Variants in EPS8 observed in about 807,000 individuals in gnomAD.
The protein encoded by EPS8 is EGFR pathway substrate 8, signaling adaptor.
A neutral mutation model predicts 103.8 loss-of-function variants in EPS8; 42 were observed. The ratio of observed to expected loss-of-function variants is 0.40; its 90% CI spans 0.32 to 0.52. The LOEUF (loss-of-function observed/expected upper bound fraction) is 0.52, where lower values mean the gene tolerates loss of function less well. Ranked by LOEUF, EPS8 falls within the 20% of genes least tolerant of loss-of-function variation. The probability of loss-of-function intolerance (pLI) is 0.40; values close to 1 mark genes in which losing one functional copy is unlikely to be tolerated. For synonymous variants in EPS8, 344 were observed against 344.6 expected, an observed-to-expected ratio of 1.00 and a Z score of 0.02; for missense variants, 969 against 1,005.1, an observed-to-expected ratio of 0.96 and a Z score of 0.49.
In EPS8 at chr12:15,658,500, A is replaced by G. The variant is rs1374162559; in HGVS notation, c.1023T>C (p.Leu341=). ...TATATACATAAATTTCACTTACCAGAAGGTTAAATCCGTGTTTAAACTTTT... is the reference window on the plus strand; with the variant it reads ...TATATACATAAATTTCACTTACCAGGAGGTTAAATCCGTGTTTAAACTTTT... ...CFQKFKHGFN[L]LAKLKSHIQN... is the part of the protein sequence containing the mutation. The change falls in exon 11 of 21, where the codon CTT becomes CTC. Residue 341 remains leucine (L), a synonymous_variant. Transcript: ENST00000281172. 1.3e-6 allele frequency: 2 copies of G among 1,595,350 alleles called. No individual in the cohort carries two copies. The highest frequency in any genetic ancestry group is 1.3e-5 in the African/African-American group (1 of 74,516).
chr12:15,623,320 A>C (rs772871948), intron 19 of EPS8, 33 bp from the exon 20 acceptor site: 1 of 1,560,758 alleles, frequency 6.4e-7, no homozygotes, highest in East Asian at 2.2e-5. Flanking sequence ...GAAACTGAGC[A>C]TTAAAAATAT....
intron 1 of EPS8, among the ~76,000 whole-genome samples, chr12:15,755,232 G>C (rs1324309291): frequency 6.6e-6 from 1 of 152,186 alleles, no homozygotes; most frequent in Non-Finnish European, 1.5e-5. Context: ...ACACTTGAAA[G>C]TATTCATCTT....
At chr12:15,677,176 A>C (rs4628729) in intron 3 of EPS8, among the ~76,000 whole-genome samples, 9,670 of 152,280 alleles carry the variant, frequency 0.064, 1,020 homozygotes, top group African/African-American at 0.21. Flanking sequence ...GTGACTCTCC[A>C]GTACCACTCC....
intron 1 of EPS8, among the ~76,000 whole-genome samples, chr12:15,768,834 G>C (rs1947124763): frequency 6.6e-6 from 1 of 152,094 alleles, no homozygotes; most frequent in Non-Finnish European, 1.5e-5. Flanking sequence ...GACAAAAGCA[G>C]AGGTCTGGCA....
chr12:15,745,890 G>A lies in EPS8; in HGVS notation c.-22+43271C>T, dbSNP rs150993387. On this transcript the variant is annotated intron_variant, in intron 1 of 20. Coordinates refer to ENST00000281172, the MANE Select transcript of EPS8 (RefSeq NM_004447.6). The surrounding 1 kb of genome is among the most constrained non-coding windows in gnomAD (Gnocchi z 4.6). ...TGAAACTAGTTAACATTATTAAACT[G>A]AATTACTATCATGACAATAAATGCG... 9.2e-5 allele frequency among the ~76,000 whole-genome samples: 14 copies of A among 152,292 alleles called. No individual in the cohort carries two copies. Among genetic ancestry groups the A allele is most frequent in the Admixed American group, 4.6e-4 (7 of 15,286 alleles).
intron 20 of EPS8, among the ~76,000 whole-genome samples, chr12:15,622,070 C>G (rs1944869397): frequency 6.6e-6 from 1 of 152,104 alleles, no homozygotes; most frequent in African/African-American, 2.4e-5. Context: ...AGCAAGAGAC[C>G]ATCCTGAAGT....
chr12:15,634,321 A>G (rs1945099680), intron 17 of EPS8, among the ~76,000 whole-genome samples: 1 of 152,222 alleles, frequency 6.6e-6, no homozygotes, highest in Non-Finnish European at 1.5e-5. Flanking sequence ...TGTTAAAAGC[A>G]AAATCTATCT....
chr12:15,649,630 A>C (rs1042888720), intron 14 of EPS8, among the ~76,000 whole-genome samples: 5 of 152,130 alleles, frequency 3.3e-5, no homozygotes, highest in African/African-American at 1.2e-4. Context: ...GGAAAAAAAA[A>C]TTGCATTAGG....
rs1028455968 is a variant in EPS8, at chr12:15,733,302, A to G, written c.-21-50330T>C. On this transcript the variant is annotated intron_variant, in intron 1 of 20. Coordinates refer to ENST00000281172, the MANE Select transcript of EPS8 (RefSeq NM_004447.6). The surrounding 1 kb of genome is among the most constrained non-coding windows in gnomAD (Gnocchi z 4.8). ...GGTGAGAGGGGACAGTGTGTGAAGG[A>G]GGAACTGTCAAACACTTAATAAAAC... Among the ~76,000 whole-genome samples, 1 of 152,142 alleles carries G rather than the reference A, an allele frequency of 6.6e-6. No homozygotes were observed. The highest frequency in any genetic ancestry group is 1.9e-4 in the East Asian group (1 of 5,182).
At position 15,725,359 on chromosome 12, in the gene EPS8, C is replaced by T. The variant is rs1276589832; in HGVS notation, c.-21-42387G>A. ...CAGTGGCTCACACCTGTAATCCCAGCTACTTGGGAGGCCGAGGCAGGAGGA... is the reference window on the plus strand; with the variant it reads ...CAGTGGCTCACACCTGTAATCCCAGTTACTTGGGAGGCCGAGGCAGGAGGA... On this transcript the variant is annotated intron_variant, in intron 1 of 20. Transcript: ENST00000281172. This position sits in a 1 kb window ranked among gnomAD's most constrained non-coding sequence, Gnocchi z 4.5. Among the ~76,000 whole-genome samples the T allele has an allele frequency of 1.3e-5, 2 of 151,542 alleles. No homozygotes were observed. The highest frequency in any genetic ancestry group is 4.9e-5 in the African/African-American group (2 of 41,210).
At chr12:15,666,668 T>C (rs759022954) in intron 6 of EPS8, 146 bp from the exon 7 acceptor site, 15 of 604,438 alleles carry the variant, frequency 2.5e-5, no homozygotes, top group African/African-American at 3.7e-5. Flanking sequence ...TTGCAAAACA[T>C]GACTCTTGTG....
chr12:15,654,008 C>G (rs1437168536), intron 13 of EPS8, 137 bp downstream of exon 13: 1 of 761,708 alleles, frequency 1.3e-6, no homozygotes, highest in African/African-American at 1.8e-5. Flanking sequence ...CACTAGACTT[C>G]TAGCCTTTAA....
intron 1 of EPS8, among the ~76,000 whole-genome samples, chr12:15,722,505 T>C (rs1036759453): frequency 1.3e-5 from 2 of 152,222 alleles, no homozygotes; most frequent in Non-Finnish European, 2.9e-5. Flanking sequence ...GAAGATGCTA[T>C]GTAAAAGGAT....
intron 8 of EPS8, among the ~76,000 whole-genome samples, chr12:15,663,665 C>T (rs1555112083): frequency 6.6e-6 from 1 of 151,906 alleles, no homozygotes; most frequent in Non-Finnish European, 1.5e-5. Flanking sequence ...TGGCTCACGC[C>T]TGTAATTCCA....
intron 17 of EPS8, among the ~76,000 whole-genome samples, chr12:15,636,406 G>T (rs1945135037): frequency 6.6e-6 from 1 of 152,108 alleles, no homozygotes; most frequent in African/African-American, 2.4e-5. Flanking sequence ...AGCCATGGGG[G>T]AAATACATTA....
At chr12:15,707,797 T>C (rs1204638404) in intron 1 of EPS8, among the ~76,000 whole-genome samples, 2 of 152,200 alleles carry the variant, frequency 1.3e-5, no homozygotes, top group African/African-American at 4.8e-5. Flanking sequence ...CATTTTTCAT[T>C]AGACTCTCTC....
chr12:15,682,644 T>A (rs1475103411), intron 2 of EPS8, among the ~76,000 whole-genome samples: 1 of 152,176 alleles, frequency 6.6e-6, no homozygotes, highest in African/African-American at 2.4e-5. Flanking sequence ...AGTACTAGAA[T>A]GAAACAGAAA....
intron 1 of EPS8, among the ~76,000 whole-genome samples, chr12:15,732,275 AC>A (rs1187587975): frequency 2.4e-4 from 36 of 152,212 alleles, no homozygotes; most frequent in African/African-American, 8.2e-4. Context: ...ACCTTCATCA[AC>A]AATGCATTCC....
At chr12:15,743,527 A>G (rs60258918) in intron 1 of EPS8, among the ~76,000 whole-genome samples, 3,104 of 152,260 alleles carry the variant, frequency 0.02, 105 homozygotes, top group African/African-American at 0.071. Context: ...CAAGGCTACA[A>G]TAATCAAAAC....
Sources: allele counts gnomAD v4.1 joint callset (sites outside exome capture counted in the v4.1 genomes callset), GRCh38; gene constraint gnomAD v4.1.1; non-coding constraint Gnocchi (gnomAD v3.1); transcripts MANE v1.5; gene names NCBI Gene and HGNC (gene_info 2026-07-23, HGNC 2026-07-21).